The following BIN1 variants were observed in gnomAD, a reference collection of about 807,000 sequenced individuals.
The protein encoded by BIN1 is bridging integrator 1.
A neutral mutation model predicts 82.0 loss-of-function variants in BIN1; 53 were observed. That is an observed-to-expected ratio of 0.65 (90% CI 0.52 to 0.81). The LOEUF is 0.81. Among genes scored for constraint, BIN1 ranks in the 40% least tolerant of loss-of-function variants. The pLI is 0.00. For missense variants in BIN1, 642 were observed against 784.4 expected, an observed-to-expected ratio of 0.82 and a Z score of 2.17; for synonymous variants, 302 against 328.0, an observed-to-expected ratio of 0.92 and a Z score of 0.86.
At chr2:127,106,223 G>C (rs1373085034) in intron 1 of BIN1, among the ~76,000 whole-genome samples, 3 of 152,186 alleles carry the variant, frequency 2.0e-5, no homozygotes, top group African/African-American at 7.2e-5. Context: ...TCCTTGCGGG[G>C]TGCGTAGCCC....
Position 127,057,607 on chromosome 2 carries a change from G to C in BIN1, c.1003-6C>G. The stretch of plus-strand genomic sequence containing the variant: ...ACTGGTGGGCCTTTCCGGAGCTGTG[G>C]GTCGGCGGCGGGTGAGGGGCCGCGC... On this transcript the variant is annotated splice_region_variant and splice_polypyrimidine_tract_variant and intron_variant, in intron 11 of 18. Transcript: ENST00000316724. The surrounding 1 kb of genome is among the most constrained non-coding windows in gnomAD (Gnocchi z 5.0). The C allele has an allele frequency of 6.6e-7, 1 of 1,517,944 alleles. No homozygotes were observed. Among genetic ancestry groups the C allele is most frequent in the Non-Finnish European group, 8.9e-7 (1 of 1,126,550 alleles). 94.0% of individuals were successfully genotyped at this position (1,517,944 alleles called of 1,614,324 possible).
At chr2:127,053,842 A>T (rs1217522644) in intron 13 of BIN1, 63 bp downstream of exon 13, 2 of 1,497,210 alleles carry the variant, frequency 1.3e-6, no homozygotes, top group African/African-American at 2.8e-5. Flanking sequence ...AATAGGCAAC[A>T]TGAGCCCAGG....
At chr2:127,070,927 A>C in intron 2 of BIN1, 111 bp from the exon 3 acceptor site, 1 of 1,111,074 alleles carries the variant, frequency 9.0e-7, no homozygotes, top group Non-Finnish European at 1.3e-6. Flanking sequence ...TCCTGACAGC[A>C]GCCACTGATC....
rs953925270 is a variant in BIN1, at chr2:127,095,210, C to T, written c.84+11650G>A. ...GAACAAGAGTCAGCTCATTCCTCGTCCTGGAGTCCCCTCCCAAGCCACTAA... is the reference window on the plus strand; with the variant it reads ...GAACAAGAGTCAGCTCATTCCTCGTTCTGGAGTCCCCTCCCAAGCCACTAA... On this transcript the variant is annotated intron_variant, in intron 1 of 18. Transcript: ENST00000316724. 6.0e-4 allele frequency among the ~76,000 whole-genome samples: 91 copies of T among 152,242 alleles called. 1 individual carries two copies. Among genetic ancestry groups the T allele is most frequent in the African/African-American group, 2.0e-3 (84 of 41,460 alleles).
At chr2:127,099,577 G>A (rs1401347276) in intron 1 of BIN1, among the ~76,000 whole-genome samples, 3 of 152,198 alleles carry the variant, frequency 2.0e-5, no homozygotes, top group South Asian at 2.1e-4. Flanking sequence ...GCAGTGACAC[G>A]ATCTGGGCTC....
rs1687415211 is a variant in BIN1 at position 127,082,414 on chromosome 2, G to T, written c.85-5708C>A. ...AGCTCTGAGGCCTTGCAGGCACTCA[G>T]CTGGGGATACCAGGGACATCGCAGG... On this transcript the variant is annotated intron_variant, in intron 1 of 18. Coordinates refer to ENST00000316724, the MANE Select transcript of BIN1 (RefSeq NM_139343.3). This position sits in a 1 kb window ranked among gnomAD's most constrained non-coding sequence, Gnocchi z 6.1. 6.6e-6 allele frequency among the ~76,000 whole-genome samples: 1 copy of T among 152,192 alleles called. No individual in the cohort carries two copies. The highest frequency in any genetic ancestry group is 2.1e-4 in the South Asian group (1 of 4,828).
At chr2:127,077,513 G>A (rs1456136750) in intron 1 of BIN1, among the ~76,000 whole-genome samples, 2 of 152,280 alleles carry the variant, frequency 1.3e-5, no homozygotes, top group East Asian at 1.9e-4. Flanking sequence ...AAAGGAGGGC[G>A]CTGGCCAGGA....
intron 1 of BIN1, among the ~76,000 whole-genome samples, chr2:127,080,586 C>T (rs1169652489): frequency 2.0e-5 from 3 of 152,188 alleles, no homozygotes; most frequent in Admixed American, 6.5e-5. Context: ...GAAAACTTGG[C>T]GGCGGACGAG....
chr2:127,053,577 GC>G, intron 13 of BIN1, 132 bp from the exon 14 acceptor site: 1 of 1,233,690 alleles, frequency 8.1e-7, no homozygotes, highest in Non-Finnish European at 1.2e-6. Flanking sequence ...GTGGCTCGGA[GC>G]CAGGTAGACT....
chr2:127,057,891 GAA>G lies in BIN1; in HGVS notation c.1003-292_1003-291del, dbSNP rs1289556005. Among the ~76,000 whole-genome samples the G allele has an allele frequency of 2.1e-4, 18 of 85,828 alleles. No homozygotes were observed. Among genetic ancestry groups the G allele is most frequent in the African/African-American group, 1.5e-3 (18 of 11,736 alleles). 56.3% of individuals were successfully genotyped at this position (85,828 alleles called of 152,430 possible). ...AGGGGAGAGGAGGAAGGAGAGCGAAGAAGAGAAGAGGCCCCAGGCTGCCCACT... is the reference window on the plus strand; with the variant it reads ...AGGGGAGAGGAGGAAGGAGAGCGAAGGAGAAGAGGCCCCAGGCTGCCCACT... On this transcript the variant is annotated intron_variant, in intron 11 of 18. Coordinates refer to ENST00000316724, the MANE Select transcript of BIN1 (RefSeq NM_139343.3). The surrounding 1 kb of genome is among the most constrained non-coding windows in gnomAD (Gnocchi z 5.0).
In BIN1 at chr2:127,057,487, T is replaced by C; in HGVS notation, c.1117A>G (p.Thr373Ala). The C allele has an allele frequency of 6.5e-7, 1 of 1,544,180 alleles. No homozygotes were observed. Among genetic ancestry groups the C allele is most frequent in the Non-Finnish European group, 8.8e-7 (1 of 1,142,784 alleles). ...EDTFVPEISV[T>A]TPSQFEAPGP... ...CCGCGGCTGACCTGGGAGGGGGTGG[T>C]CACGCTGATCTCAGGGACAAACGTG... Residue 373 changes from threonine (T) to alanine (A), a missense_variant, in exon 12 of 19, where the codon ACC becomes GCC. By Grantham distance (58) the Thr-to-Ala change is moderately conservative. Coordinates refer to ENST00000316724, the MANE Select transcript of BIN1 (RefSeq NM_139343.3). This position sits in a 1 kb window ranked among gnomAD's most constrained non-coding sequence, Gnocchi z 5.0.
chr2:127,079,969 C>G (rs1322156305), intron 1 of BIN1, among the ~76,000 whole-genome samples: 1 of 152,224 alleles, frequency 6.6e-6, no homozygotes, highest in Non-Finnish European at 1.5e-5. Context: ...CCTCAGGCTG[C>G]TGAAGCTCTC....
In BIN1 at chr2:127,070,043, C is replaced by G. The variant is rs757907934; in HGVS notation, c.363G>C (p.Gln121His). The part of the protein sequence containing the change: ...WMDYHQKLVD[Q>H]ALLTMDTYLG... ...GGTACGTGTCCATGGTCAGCAGCGCCTGGTCCACCAGCTTCTGGTGGTAAT... is the reference window on the plus strand; with the variant it reads ...GGTACGTGTCCATGGTCAGCAGCGCGTGGTCCACCAGCTTCTGGTGGTAAT... Residue 121 changes from glutamine (Q) to histidine (H), a missense_variant, in exon 5 of 19, where the codon CAG becomes CAC. By Grantham distance (24) the Gln-to-His change is conservative. Coordinates refer to ENST00000316724, the MANE Select transcript of BIN1 (RefSeq NM_139343.3). 3.1e-6 allele frequency: 5 copies of G among 1,614,072 alleles called. No homozygotes were observed. Among genetic ancestry groups the G allele is most frequent in the Non-Finnish European group, 4.2e-6 (5 of 1,180,034 alleles).
At chr2:127,075,947 TC>T (rs999411694) in intron 2 of BIN1, among the ~76,000 whole-genome samples, 2 of 118,952 alleles carry the variant, frequency 1.7e-5, no homozygotes, top group Admixed American at 1.7e-4. Flanking sequence ...TCCCAGTTGC[TC>T]CTGGTCCTGT....
chr2:127,102,895 G>C (rs2105350108), intron 1 of BIN1, among the ~76,000 whole-genome samples: 1 of 152,338 alleles, frequency 6.6e-6, no homozygotes, highest in East Asian at 1.9e-4. Flanking sequence ...GAGGCCCAGA[G>C]CAGGGAGGTA....
At position 127,057,196 on chromosome 2, in the gene BIN1, C is replaced by A. The variant is rs894039246; in HGVS notation, c.1131+277G>T. Among the ~76,000 whole-genome samples the A allele has an allele frequency of 9.9e-5, 15 of 152,258 alleles. No homozygotes were observed. The highest frequency in any genetic ancestry group is 2.9e-4 in the African/African-American group (12 of 41,468). ...CCGATCCCCTCTGCCATAGCACCCA[C>A]TGCGTCGCGAGGGCGCTGCTGATGT... On this transcript the variant is annotated intron_variant, in intron 12 of 18. Coordinates refer to ENST00000316724, the MANE Select transcript of BIN1 (RefSeq NM_139343.3). This position sits in a 1 kb window ranked among gnomAD's most constrained non-coding sequence, Gnocchi z 5.0.
chr2:127,054,278 G>A (rs1312781046), intron 12 of BIN1: 10 of 508,248 alleles, frequency 2.0e-5, no homozygotes, highest in African/African-American at 1.2e-4. Flanking sequence ...CCCAGTGCCC[G>A]CCTCAAACTC....
chr2:127,088,740 TAAA>T (rs34767629), intron 1 of BIN1, among the ~76,000 whole-genome samples: 1 of 138,476 alleles, frequency 7.2e-6, no homozygotes, highest in Non-Finnish European at 1.6e-5. Context: ...CCGTATCTCT[TAAA>T]AAAAAAAAAA....
In BIN1 at chr2:127,102,996, T is replaced by C. The variant is rs141199047; in HGVS notation, c.84+3864A>G. On this transcript the variant is annotated intron_variant, in intron 1 of 18. Transcript: ENST00000316724. Reference sequence around the variant, plus strand: ...AGAAGGACAGAGATGGGCCCCAAGATGGACAGAGATGGGAATGTGGGTAGA... The same window carrying C: ...AGAAGGACAGAGATGGGCCCCAAGACGGACAGAGATGGGAATGTGGGTAGA... Among the ~76,000 whole-genome samples the C allele has an allele frequency of 3.8e-3, 574 of 152,070 alleles. 1 individual carries two copies. Among genetic ancestry groups the C allele is most frequent in the Admixed American group, 7.7e-3 (117 of 15,288 alleles).
Sources: allele counts gnomAD v4.1 joint callset (sites outside exome capture counted in the v4.1 genomes callset), GRCh38; gene constraint gnomAD v4.1.1; non-coding constraint Gnocchi (gnomAD v3.1); transcripts MANE v1.5; gene names NCBI Gene and HGNC (gene_info 2026-07-23, HGNC 2026-07-21).